Variants in ABCC4 observed in about 807,000 individuals in gnomAD.
ABCC4 encodes the protein ATP binding cassette subfamily C member 4 (PEL blood group).
A neutral mutation model predicts 168.5 loss-of-function variants in ABCC4; 102 were observed. That is an observed-to-expected ratio of 0.61 (90% CI 0.52 to 0.71). The LOEUF (loss-of-function observed/expected upper bound fraction) is 0.71. ABCC4 is among the 30% of genes least tolerant of loss of function. The pLI, the probability that ABCC4 is intolerant of heterozygous loss-of-function variation, is 0.00. For missense variants in ABCC4, 1,402 were observed against 1,605.8 expected (o/e 0.87, Z 2.17); for synonymous variants, 617 against 590.7 (o/e 1.04, Z -0.65).
At chr13:95,197,581 T>C (rs1594281104) in intron 8 of ABCC4, among the ~76,000 whole-genome samples, 1 of 151,976 alleles carries the variant, frequency 6.6e-6, no homozygotes, top group African/African-American at 2.4e-5. Flanking sequence ...CTCAGGAGGG[T>C]GAAAAAGCTG....
rs1383703706 is a variant in ABCC4, at chr13:95,163,606, T to C, written c.2213+4A>G. ...TTTCATACATCAGACCAGAAATAAC[T>C]TACCAGTATGAAAGCCACCAATCTT... On this transcript the variant is annotated splice_donor_region_variant and intron_variant, in intron 17 of 30. Coordinates refer to ENST00000645237, the MANE Select transcript of ABCC4 (RefSeq NM_005845.5). The C allele has an allele frequency of 1.2e-6, 2 of 1,611,176 alleles. No individual in the cohort carries two copies. The highest frequency in any genetic ancestry group is 2.2e-5 in the East Asian group (1 of 44,778).
At chr13:95,238,986 C>T (rs1245454245) in intron 3 of ABCC4, among the ~76,000 whole-genome samples, 1 of 152,112 alleles carries the variant, frequency 6.6e-6, no homozygotes, top group Non-Finnish European at 1.5e-5. Context: ...CCATTCTGCA[C>T]AGCAGGGAAA....
At chr13:95,064,260 GTATATATATATATATATATATA>G in intron 25 of ABCC4, among the ~76,000 whole-genome samples, 1 of 21,510 alleles carries the variant, frequency 4.6e-5, no homozygotes, top group Non-Finnish European at 8.8e-5. Context: ...GTGTGTGTGT[GTATATATATATATATATATATA>G]TATATATATA....
rs141936593 is a variant in ABCC4 at position 95,118,036 on chromosome 13, C to T, written c.2456-2035G>A. On this transcript the variant is annotated intron_variant, in intron 19 of 30. Transcript: ENST00000645237. ...ATCTGAAAGACCCATGGTTGGAAAACAGCATAAAATACAAGGAAAACAAAA... is the reference window on the plus strand; with the variant it reads ...ATCTGAAAGACCCATGGTTGGAAAATAGCATAAAATACAAGGAAAACAAAA... 7.6e-4 allele frequency among the ~76,000 whole-genome samples: 116 copies of T among 152,242 alleles called. 2 individuals carry two copies. The highest frequency in any genetic ancestry group is 3.4e-3 in the Middle Eastern group (1 of 294).
intron 19 of ABCC4, among the ~76,000 whole-genome samples, chr13:95,127,643 G>A (rs1215784058): frequency 6.6e-6 from 1 of 152,088 alleles, no homozygotes; most frequent in East Asian, 1.9e-4. Flanking sequence ...GCTAAGCACA[G>A]GTGGTCTCCC....
At chr13:95,070,131 C>T (rs779246887) in intron 25 of ABCC4, among the ~76,000 whole-genome samples, 56 of 152,148 alleles carry the variant, frequency 3.7e-4, no homozygotes, top group Non-Finnish European at 6.6e-4. Flanking sequence ...ATAATCCCAG[C>T]TACGGGGGAG....
At chr13:95,084,813 C>A (rs1416450415) in intron 20 of ABCC4, among the ~76,000 whole-genome samples, 1 of 152,168 alleles carries the variant, frequency 6.6e-6, no homozygotes, top group Non-Finnish European at 1.5e-5. Context: ...CCTCACCCAG[C>A]AAGGTGACAT....
intron 13 of ABCC4, among the ~76,000 whole-genome samples, chr13:95,177,219 G>C (rs763284915): frequency 2.0e-5 from 3 of 152,120 alleles, no homozygotes; most frequent in African/African-American, 4.8e-5. Flanking sequence ...AGTATGTAAA[G>C]AGCAACAAAG....
At chr13:95,219,630 C>T in intron 4 of ABCC4, among the ~76,000 whole-genome samples, 1 of 152,028 alleles carries the variant, frequency 6.6e-6, no homozygotes, top group Non-Finnish European at 1.5e-5. Context: ...TCTCAGCCTC[C>T]CAAGTAAGAG....
At chr13:95,026,624 C>A (rs949479565) in intron 30 of ABCC4, among the ~76,000 whole-genome samples, 7 of 152,174 alleles carry the variant, frequency 4.6e-5, no homozygotes, top group Admixed American at 2.0e-4. Context: ...CATAGTGGCA[C>A]ACATCTGTAA....
At chr13:95,228,195 G>C (rs1322829134) in intron 4 of ABCC4, among the ~76,000 whole-genome samples, 1 of 152,192 alleles carries the variant, frequency 6.6e-6, no homozygotes, top group African/African-American at 2.4e-5. Flanking sequence ...AGAAAACCCA[G>C]AGGGAGACGG....
At chr13:95,185,929 C>T (rs1490321592) in intron 11 of ABCC4, among the ~76,000 whole-genome samples, 1 of 151,888 alleles carries the variant, frequency 6.6e-6, no homozygotes, top group Non-Finnish European at 1.5e-5. Context: ...TAAATTTATC[C>T]ATGTAACCAA....
chr13:95,133,925 C>A (rs936816658), intron 19 of ABCC4, among the ~76,000 whole-genome samples: 1 of 152,182 alleles, frequency 6.6e-6, no homozygotes, highest in African/African-American at 2.4e-5. Context: ...TATTCTTGAT[C>A]CCCACTTTCC....
intron 20 of ABCC4, among the ~76,000 whole-genome samples, chr13:95,102,714 G>T (rs916876231): frequency 7.3e-5 from 11 of 151,422 alleles, no homozygotes; most frequent in African/African-American, 2.4e-4. Flanking sequence ...CTGTCTCCTG[G>T]ATTCAAGCAA....
Position 95,268,583 on chromosome 13 carries a change from G to A in ABCC4, c.75-20830C>T, listed in dbSNP as rs186117232. On this transcript the variant is annotated intron_variant, in intron 1 of 30. Coordinates refer to ENST00000645237, the MANE Select transcript of ABCC4 (RefSeq NM_005845.5). ...AACCCAATTGTATATTCCATCTACT[G>A]AGATAGGAGAAAACCACCTTAGGGC... is the stretch of plus-strand genomic sequence containing the variant. Among the ~76,000 whole-genome samples, 4 of 152,336 alleles carry A rather than the reference G, an allele frequency of 2.6e-5. No individual in the cohort carries two copies. In the East Asian group the frequency reaches 7.7e-4, roughly 29 times the overall value.
chr13:95,203,828 C>T (rs141412284), intron 8 of ABCC4, among the ~76,000 whole-genome samples: 81 of 152,284 alleles, frequency 5.3e-4, no homozygotes, highest in African/African-American at 1.9e-3. Context: ...CTCACACCCC[C>T]CTTGAACAAG....
At chr13:95,161,130 A>C in intron 19 of ABCC4, 59 bp downstream of exon 19, 1 of 1,326,240 alleles carries the variant, frequency 7.5e-7, no homozygotes, top group Non-Finnish European at 1.0e-6. Context: ...AAATGTAATC[A>C]GATCCTAAAT....
At position 95,177,742 on chromosome 13, in the gene ABCC4, T is replaced by G. The variant is rs959709442; in HGVS notation, c.1692A>C (p.Ala564=). Residue 564 remains alanine, a synonymous_variant, in exon 13 of 31, where the codon GCA becomes GCC. Coordinates refer to ENST00000645237, the MANE Select transcript of ABCC4 (RefSeq NM_005845.5). ...DIYLLDDPLS[A]VDAEVSRHLF... is the part of the protein sequence containing the mutation. ...AGTGTCTGCTAACTTCCGCATCTAC[T>G]GCACTGAGAGGATCGTCCAGGAGAT... is the stretch of plus-strand genomic sequence containing the variant. The G allele has an allele frequency of 1.7e-5, 27 of 1,611,376 alleles. No individual in the cohort carries two copies. The highest frequency in any genetic ancestry group is 2.3e-5 in the Non-Finnish European group (27 of 1,177,780).
At position 95,206,627 on chromosome 13, in the gene ABCC4, T is replaced by C. The variant is rs1417193571; in HGVS notation, c.1066A>G (p.Thr356Ala). ...GTCAGCCGCACAGCCCCATACAGCG[T>C]CACTGCCACGAACACGCGGCTGGCT... ...ITASRVFVAV[T>A]LYGAVRLTVT... Residue 356 changes from threonine (T) to alanine (A), a missense_variant, in exon 8 of 31, where the codon ACG (threonine) becomes GCG (alanine). Physicochemically the swap from Thr to Ala is moderately conservative, Grantham distance 58. Coordinates refer to ENST00000645237, the MANE Select transcript of ABCC4 (RefSeq NM_005845.5). 6.2e-7 allele frequency: 1 copy of C among 1,614,144 alleles called. No individual in the cohort carries two copies.
Sources: allele counts gnomAD v4.1 joint callset (sites outside exome capture counted in the v4.1 genomes callset), GRCh38; gene constraint gnomAD v4.1.1; transcripts MANE v1.5; gene names NCBI Gene and HGNC (gene_info 2026-07-23, HGNC 2026-07-21).